Variants in OSBPL10 observed in about 807,000 individuals in gnomAD.
OSBPL10 encodes the protein oxysterol-binding protein-related protein 10.
In OSBPL10, 49 loss-of-function variants were observed where a neutral mutation model predicts 81.7. That is an observed-to-expected ratio of 0.60 (90% CI 0.48 to 0.76). The LOEUF (loss-of-function observed/expected upper bound fraction) is 0.76. Among genes scored for constraint, OSBPL10 ranks in the 30% least tolerant of loss-of-function variants. The probability of loss-of-function intolerance (pLI) is 0.00; values close to 1 mark genes in which losing one functional copy is unlikely to be tolerated. For missense variants in OSBPL10, 923 were observed against 987.8 expected (o/e 0.93, Z 0.88); for synonymous variants, 419 against 383.6 (o/e 1.09, Z -1.08).
intron 2 of OSBPL10, chr3:31,988,787 G>GCTCA: frequency 2.2e-6 from 1 of 450,368 alleles, no homozygotes; most frequent in South Asian, 2.8e-5. Context: ...TCTGAGACCT[G>GCTCA]CTAACAGCCA....
intron 1 of OSBPL10, among the ~76,000 whole-genome samples, chr3:31,912,159 G>A (rs1236478988): frequency 2.0e-5 from 3 of 152,300 alleles, no homozygotes; most frequent in Non-Finnish European, 2.9e-5. Context: ...ACTTTGGGGG[G>A]CCGAGGCAGG....
chr3:31,891,220 G>A (rs1695882963), intron 1 of OSBPL10, among the ~76,000 whole-genome samples: 1 of 152,186 alleles, frequency 6.6e-6, no homozygotes, highest in African/African-American at 2.4e-5. Flanking sequence ...CCTAGGCCAG[G>A]GGTTTTCAGA....
intron 1 of OSBPL10, among the ~76,000 whole-genome samples, chr3:31,956,696 C>A (rs1030730762): frequency 1.3e-5 from 2 of 152,026 alleles, no homozygotes; most frequent in African/African-American, 2.4e-5. Context: ...CCATTGCACT[C>A]CAACCTGGGC....
chr3:31,867,163 T>G (rs1701199834), intron 3 of OSBPL10, among the ~76,000 whole-genome samples: 1 of 152,118 alleles, frequency 6.6e-6, no homozygotes, highest in Non-Finnish European at 1.5e-5. Flanking sequence ...GCCACCACTG[T>G]TTGCTCTCAG....
intron 4 of OSBPL10, among the ~76,000 whole-genome samples, chr3:31,759,968 G>C (rs1697985496): frequency 6.6e-6 from 1 of 152,092 alleles, no homozygotes. Context: ...TGCCATGTTG[G>C]CCAGGCTGGT....
intron 4 of OSBPL10, among the ~76,000 whole-genome samples, chr3:31,751,771 C>T (rs1373848654): frequency 1.3e-5 from 2 of 152,204 alleles, no homozygotes; most frequent in Admixed American, 1.3e-4. Context: ...TTCTCATTTT[C>T]CATGAGATGT....
chr3:31,847,040 A>G (rs1329752125), intron 3 of OSBPL10, among the ~76,000 whole-genome samples: 2 of 152,038 alleles, frequency 1.3e-5, no homozygotes, highest in African/African-American at 4.8e-5. Context: ...AGTCCTCAAA[A>G]TAACTCAGAT....
At chr3:31,963,628 A>G (rs1698232307) in intron 1 of OSBPL10, among the ~76,000 whole-genome samples, 1 of 152,168 alleles carries the variant, frequency 6.6e-6, no homozygotes, top group Admixed American at 6.5e-5. Context: ...GACATTTCGT[A>G]GAGGACTCCA....
At chr3:31,873,344 T>C (rs1352307060) in intron 3 of OSBPL10, among the ~76,000 whole-genome samples, 1 of 152,188 alleles carries the variant, frequency 6.6e-6, no homozygotes, top group African/African-American at 2.4e-5. Flanking sequence ...TTAAATAAAG[T>C]TGTCTTTGGG....
chr3:31,782,935 A>G (rs1488451958), intron 4 of OSBPL10, among the ~76,000 whole-genome samples: 1 of 152,054 alleles, frequency 6.6e-6, no homozygotes, highest in Non-Finnish European at 1.5e-5. Context: ...TGCCACCACT[A>G]GGTATCTACT....
In OSBPL10 at chr3:31,672,629, C is replaced by T. The variant is rs557176572; in HGVS notation, c.1727-1646G>A. On this transcript the variant is annotated intron_variant, in intron 8 of 11. Coordinates refer to ENST00000396556, the MANE Select transcript of OSBPL10 (RefSeq NM_017784.5). ...GAGAATTCCTCTAATTGCCCATGCA[C>T]TATGGTATTTAGGACACACTAGGCT... Among the ~76,000 whole-genome samples, 12 of 152,276 alleles carry T rather than the reference C, an allele frequency of 7.9e-5. No individual in the cohort carries two copies. In the South Asian group the frequency reaches 2.5e-3, roughly 32 times the overall value.
chr3:31,981,474 C>T (rs1375232736), upstream of OSBPL10, among the ~76,000 whole-genome samples: 1 of 152,174 alleles, frequency 6.6e-6, no homozygotes, highest in African/African-American at 2.4e-5. This position sits in a 1 kb window ranked among gnomAD's most constrained non-coding sequence, Gnocchi z 4.5. Flanking sequence ...CTAGGCGAGC[C>T]CTCTTCGGGT....
intron 5 of OSBPL10, among the ~76,000 whole-genome samples, chr3:31,746,742 A>G (rs1223301763): frequency 7.3e-6 from 1 of 136,656 alleles, no homozygotes; most frequent in African/African-American, 2.7e-5. Context: ...CAAACACCGC[A>G]TGTTCTCACT....
chr3:31,709,152 C>G lies in OSBPL10; in HGVS notation c.1096-6644G>C, dbSNP rs1389378687. 10 of 531,742 alleles carry G rather than the reference C, an allele frequency of 1.9e-5. No homozygotes were observed. In the Admixed American group the frequency reaches 1.9e-4, roughly 10 times the overall value. 32.9% of individuals were successfully genotyped at this position (531,742 alleles called of 1,614,324 possible). ...AGGTCCAAGTACACGCATGTCCACA[C>G]AGCAAGCTAGTCCCAGCTGCCTTTC... On this transcript the variant is annotated intron_variant, in intron 6 of 11. Transcript: ENST00000396556.
chr3:31,683,380 A>ATGGGAAGGTCCAGG (rs569189548), intron 8 of OSBPL10, among the ~76,000 whole-genome samples: 2 of 152,216 alleles, frequency 1.3e-5, no homozygotes, highest in African/African-American at 4.8e-5. Context: ...CGTGCACAGC[A>ATGGGAAGGTCCAGG]TGGGAAGGTC....
At chr3:31,721,779 C>A (rs1412314815) in intron 6 of OSBPL10, 4 of 152,134 alleles carry the variant, frequency 2.6e-5, no homozygotes, top group Non-Finnish European at 5.9e-5. Context: ...TAAGCTAGGT[C>A]GGCCAAAGAA....
At chr3:31,788,851 T>C (rs1477240152) in intron 4 of OSBPL10, among the ~76,000 whole-genome samples, 3 of 152,124 alleles carry the variant, frequency 2.0e-5, no homozygotes, top group African/African-American at 7.2e-5. Flanking sequence ...TGTAGGAAAT[T>C]TGGAAAATAC....
intron 4 of OSBPL10, among the ~76,000 whole-genome samples, chr3:31,774,909 G>A (rs551114778): frequency 1.3e-5 from 2 of 149,400 alleles, no homozygotes; most frequent in South Asian, 4.5e-4. Context: ...GCTCATGCCT[G>A]TAATCCCAGC....
chr3:31,857,115 C>A (rs1210588385), intron 3 of OSBPL10, among the ~76,000 whole-genome samples: 3 of 152,140 alleles, frequency 2.0e-5, no homozygotes, highest in Non-Finnish European at 4.4e-5. Flanking sequence ...GGCATTCATA[C>A]CCCCTGCCCT....
Sources: allele counts gnomAD v4.1 joint callset (sites outside exome capture counted in the v4.1 genomes callset), GRCh38; gene constraint gnomAD v4.1.1; non-coding constraint Gnocchi (gnomAD v3.1); transcripts MANE v1.5; gene names NCBI Gene and HGNC (gene_info 2026-07-23, HGNC 2026-07-21).